Variants in PADI3 observed in about 807,000 individuals in gnomAD.
PADI3 encodes protein-arginine deiminase type-3.
A neutral mutation model predicts 71.5 loss-of-function variants in PADI3; 53 were observed. The observed-to-expected ratio is 0.74, with a 90% CI of 0.59 to 0.93. The LOEUF is 0.93. PADI3 is among the 40% of genes least tolerant of loss of function. The pLI is 0.00. For missense variants in PADI3, 821 were observed against 868.0 expected (o/e 0.95, Z 0.68); for synonymous variants, 361 against 347.5 (o/e 1.04, Z -0.43).
intron 10 of PADI3, among the ~76,000 whole-genome samples, chr1:17,274,104 C>T (rs1331567155): frequency 6.6e-6 from 1 of 152,242 alleles, no homozygotes; most frequent in African/African-American, 2.4e-5. Context: ...GAGACCCCTC[C>T]AACCCCCTCA....
intron 3 of PADI3, among the ~76,000 whole-genome samples, chr1:17,265,024 A>AAG (rs2073149615): frequency 6.6e-6 from 1 of 151,104 alleles, no homozygotes; most frequent in Non-Finnish European, 1.5e-5. Context: ...AAAAAAAAAA[A>AAG]TCCTATCTAA....
At chr1:17,277,821 G>T (rs1423695360) in intron 13 of PADI3, 7 of 154,680 alleles carry the variant, frequency 4.5e-5, no homozygotes, top group African/African-American at 7.2e-5. Context: ...CTTGGGAGGG[G>T]TAAGTGTCTC....
intron 5 of PADI3, 45 bp downstream of exon 5, chr1:17,266,881 C>A (rs2073176569): frequency 3.6e-6 from 5 of 1,406,714 alleles, no homozygotes; most frequent in Admixed American, 3.3e-5. Flanking sequence ...AGGGTCACTG[C>A]TCAGTTACCC....
rs2073307409 is a variant in PADI3, at chr1:17,274,925, T to C, written c.1307+139T>C. 8 of 850,588 alleles carry C rather than the reference T, an allele frequency of 9.4e-6. No individual in the cohort carries two copies. The South Asian group carries it at 1.3e-4, about 14-fold the overall frequency. The allele number at this position is 850,588 out of a possible 1,614,324, so 52.7% of individuals were successfully genotyped here. ...GATGAAATTATACTCCCGGATGTGCTGGGGTTGGTGGGTGTTCACCAGACA... is the reference window on the plus strand; with the variant it reads ...GATGAAATTATACTCCCGGATGTGCCGGGGTTGGTGGGTGTTCACCAGACA... On this transcript the variant is annotated intron_variant, in intron 11 of 15. Coordinates refer to ENST00000375460, the MANE Select transcript of PADI3 (RefSeq NM_016233.2).
intron 6 of PADI3, among the ~76,000 whole-genome samples, chr1:17,269,312 C>A (rs889599451): frequency 6.6e-6 from 1 of 152,276 alleles, no homozygotes; most frequent in South Asian, 2.1e-4. Context: ...TCCCACACAC[C>A]TTTTCTGGTA....
At chr1:17,267,001 G>T (rs1442275858) in intron 5 of PADI3, among the ~76,000 whole-genome samples, 165 bp downstream of exon 5, 1 of 152,080 alleles carries the variant, frequency 6.6e-6, no homozygotes, top group Non-Finnish European at 1.5e-5. Context: ...GCTGGCAGCT[G>T]CCCCTCCCTA....
At chr1:17,268,091 C>A (rs1275162723) in intron 6 of PADI3, 129 bp downstream of exon 6, 12 of 1,078,568 alleles carry the variant, frequency 1.1e-5, no homozygotes, top group Non-Finnish European at 4.1e-6. Flanking sequence ...TGGTGGGTGG[C>A]GGGTCGCAGT....
At chr1:17,262,004 CAG>C in intron 2 of PADI3, 127 bp from the exon 3 acceptor site, 1 of 727,134 alleles carries the variant, frequency 1.4e-6, no homozygotes, top group South Asian at 1.6e-5. Context: ...ATAAATGGCA[CAG>C]AGGAGGTTAA....
chr1:17,252,999 T>C (rs1030277006), intron 1 of PADI3, among the ~76,000 whole-genome samples: 1 of 152,232 alleles, frequency 6.6e-6, no homozygotes, highest in African/African-American at 2.4e-5. Flanking sequence ...CTTCATTTTT[T>C]AGTTGGGGAA....
chr1:17,250,076 G>T (rs2072946984), intron 1 of PADI3, among the ~76,000 whole-genome samples: 1 of 152,214 alleles, frequency 6.6e-6, no homozygotes, highest in South Asian at 2.1e-4. Flanking sequence ...AAGAGGGTTA[G>T]GGTAGGGTTT....
intron 1 of PADI3, among the ~76,000 whole-genome samples, chr1:17,256,496 G>A (rs921819070): frequency 1.3e-5 from 2 of 152,170 alleles, no homozygotes; most frequent in East Asian, 1.9e-4. Flanking sequence ...TGTTCAGACC[G>A]TGGTCCTGGG....
chr1:17,250,418 G>C (rs2072951637), intron 1 of PADI3, among the ~76,000 whole-genome samples: 1 of 152,212 alleles, frequency 6.6e-6, no homozygotes, highest in Non-Finnish European at 1.5e-5. Context: ...GTGCCCTGGG[G>C]TGGGAAGAAA....
intron 1 of PADI3, among the ~76,000 whole-genome samples, chr1:17,249,866 C>G (rs2100550167): frequency 6.6e-6 from 1 of 152,358 alleles, no homozygotes; most frequent in East Asian, 1.9e-4. Flanking sequence ...GTGGCAAAGC[C>G]AGGGTTTAAA....
At chr1:17,281,689 G>A (rs1250433651) in intron 15 of PADI3, among the ~76,000 whole-genome samples, 1 of 152,170 alleles carries the variant, frequency 6.6e-6, no homozygotes, top group Non-Finnish European at 1.5e-5. Flanking sequence ...CTGACCTCCG[G>A]TGATCCACCA....
Position 17,283,106 on chromosome 1 carries a change from C to A in PADI3, c.*27C>A. ...ACAGCTCCCACCCACCATCCTGTCC[C>A]CCTGGGGCGGGCATTGGCCCAGGTG... is the stretch of plus-strand genomic sequence containing the variant. On this transcript the variant is annotated 3_prime_UTR_variant, in exon 16 of 16. Coordinates refer to ENST00000375460, the MANE Select transcript of PADI3 (RefSeq NM_016233.2). 1 of 1,587,690 alleles carries A rather than the reference C, an allele frequency of 6.3e-7. No homozygotes were observed. The highest frequency in any genetic ancestry group is 8.6e-7 in the Non-Finnish European group (1 of 1,157,450).
At position 17,282,848 on chromosome 1, in the gene PADI3, G is replaced by A. The variant is rs1258586497; in HGVS notation, c.1764G>A (p.Val588=). Reference sequence around the variant, plus strand: ...GCTGCTTCCCCTTTGGACTGCAGGTGAACATGCTGGTGCTGGGGAAGCACC... The same window carrying A: ...GCTGCTTCCCCTTTGGACTGCAGGTAAACATGCTGGTGCTGGGGAAGCACC... The part of the protein sequence containing the change: ...KKATAFFPDL[V]NMLVLGKHLG... Residue 588 remains valine (V), a splice_region_variant and synonymous_variant, in exon 16 of 16, where the codon GTG becomes GTA. Transcript: ENST00000375460. 6.2e-7 allele frequency: 1 copy of A among 1,608,418 alleles called. No homozygotes were observed. The highest frequency in any genetic ancestry group is 2.2e-5 in the East Asian group (1 of 44,604).
intron 4 of PADI3, among the ~76,000 whole-genome samples, chr1:17,266,483 G>A (rs1442675743): frequency 3.9e-5 from 6 of 152,232 alleles, no homozygotes; most frequent in Admixed American, 1.3e-4. Context: ...TTGAGAAAGA[G>A]GATGTTGGCT....
chr1:17,283,297 AAAG>A lies in PADI3; in HGVS notation c.*222_*224del. On this transcript the variant is annotated 3_prime_UTR_variant, in exon 16 of 16. Transcript: ENST00000375460. ...GACTTGAATCTTCTCGGCCCCCCAA[AAAG>A]AAGGACCTCATTTCTTATAGCCTCT... 1 of 546,946 alleles carries A rather than the reference AAAG, an allele frequency of 1.8e-6. No individual in the cohort carries two copies. The highest frequency in any genetic ancestry group is 3.3e-6 in the Non-Finnish European group (1 of 305,446). The allele number at this position is 546,946 out of a possible 1,614,324, so 33.9% of individuals were successfully genotyped here.
intron 3 of PADI3, among the ~76,000 whole-genome samples, chr1:17,262,962 T>G (rs2073121372): frequency 6.6e-6 from 1 of 152,240 alleles, no homozygotes; most frequent in South Asian, 2.1e-4. Flanking sequence ...TTGCCCAGGC[T>G]GGAGTGCAAT....
Sources: gnomAD v4.1 joint callset for allele counts (sites outside exome capture counted in the v4.1 genomes callset) on GRCh38, gnomAD v4.1.1 for gene constraint, MANE v1.5 for transcripts, NCBI Gene and HGNC (gene_info 2026-07-23, HGNC 2026-07-21) for gene names.